Variants in TTC28 observed in about 807,000 individuals in gnomAD.
TTC28 encodes the protein tetratricopeptide repeat domain 28.
Under a neutral mutation model 198.0 loss-of-function variants are expected in TTC28, and 61 were observed. The observed-to-expected ratio is 0.31, with a 90% CI of 0.25 to 0.38. The LOEUF (loss-of-function observed/expected upper bound fraction) is 0.38, where lower values mean the gene tolerates loss of function less well. Ranked by LOEUF, TTC28 falls within the 10% of genes least tolerant of loss-of-function variation. The pLI is 1.00. For synonymous variants in TTC28, 1,171 were observed against 1,297.8 expected, an observed-to-expected ratio of 0.90 and a Z score of 2.10; for missense variants, 2,678 against 3,164.0, an observed-to-expected ratio of 0.85 and a Z score of 3.69.
intron 2 of TTC28, among the ~76,000 whole-genome samples, chr22:28,475,242 C>T (rs2048148247): frequency 6.6e-6 from 1 of 150,958 alleles, no homozygotes; most frequent in South Asian, 2.1e-4. Context: ...TATTCCAGTT[C>T]AGGGCTGCGG....
chr22:28,386,865 T>A (rs970610844), intron 2 of TTC28, among the ~76,000 whole-genome samples: 1 of 152,190 alleles, frequency 6.6e-6, no homozygotes, highest in African/African-American at 2.4e-5. Flanking sequence ...TATTATACTT[T>A]AAGTTTTAGG....
At chr22:28,562,554 T>C (rs2049902207) in intron 2 of TTC28, among the ~76,000 whole-genome samples, 2 of 151,964 alleles carry the variant, frequency 1.3e-5, no homozygotes, top group Admixed American at 1.3e-4. Flanking sequence ...TAAACAAGAA[T>C]GAGCATGTAC....
At chr22:28,674,205 T>C (rs1174780379) in intron 1 of TTC28, among the ~76,000 whole-genome samples, 2 of 151,588 alleles carry the variant, frequency 1.3e-5, no homozygotes, top group Admixed American at 6.6e-5. Context: ...TCTTGGGTCG[T>C]AGAAAGGTGA....
chr22:28,387,782 C>A (rs2146049115), intron 2 of TTC28, among the ~76,000 whole-genome samples: 1 of 152,164 alleles, frequency 6.6e-6, no homozygotes, highest in South Asian at 2.1e-4. Flanking sequence ...AATTTTCTCC[C>A]ATTTTGTAGG....
chr22:28,338,915 A>G (rs1280025519), intron 2 of TTC28, among the ~76,000 whole-genome samples: 3 of 152,112 alleles, frequency 2.0e-5, no homozygotes, highest in Admixed American at 6.5e-5. Context: ...CGTTCCTGGT[A>G]AGGAGCTGTG....
chr22:28,515,873 C>T (rs1002694716), intron 2 of TTC28, among the ~76,000 whole-genome samples: 1 of 152,014 alleles, frequency 6.6e-6, no homozygotes, highest in Non-Finnish European at 1.5e-5. Context: ...CAGCCGGGTG[C>T]GGTAGCTCAT....
chr22:28,551,076 C>T (rs779283108), intron 2 of TTC28, among the ~76,000 whole-genome samples: 16 of 151,924 alleles, frequency 1.1e-4, no homozygotes, highest in Non-Finnish European at 1.8e-4. Flanking sequence ...TACTACTAGA[C>T]CTAAGAAATG....
intron 1 of TTC28, among the ~76,000 whole-genome samples, chr22:28,638,672 T>C (rs2146229356): frequency 6.6e-6 from 1 of 152,322 alleles, no homozygotes; most frequent in East Asian, 1.9e-4. Context: ...GAACTCCATG[T>C]GGCTTTTAAA....
At chr22:28,337,559 T>C (rs1424677675) in intron 2 of TTC28, among the ~76,000 whole-genome samples, 5 of 152,268 alleles carry the variant, frequency 3.3e-5, no homozygotes, top group Non-Finnish European at 7.3e-5. Context: ...GATAGTTAGC[T>C]CTTCTTGTTG....
At chr22:28,233,847 C>T (rs1302903404) in intron 5 of TTC28, among the ~76,000 whole-genome samples, 1 of 151,582 alleles carries the variant, frequency 6.6e-6, no homozygotes, top group Non-Finnish European at 1.5e-5. Context: ...TGGGTTCAAG[C>T]GATTCTCCAG....
At chr22:28,312,749 A>G (rs933242757) in intron 2 of TTC28, among the ~76,000 whole-genome samples, 22 of 152,230 alleles carry the variant, frequency 1.4e-4, no homozygotes, top group African/African-American at 5.3e-4. Context: ...AATGCCCACA[A>G]GAGAAAGCAG....
chr22:28,618,631 G>A (rs1410815146), intron 2 of TTC28, among the ~76,000 whole-genome samples: 1 of 147,968 alleles, frequency 6.8e-6, no homozygotes, highest in Non-Finnish European at 1.5e-5. Flanking sequence ...GCAGTGAGCT[G>A]AGATCGTGCC....
chr22:28,421,506 T>C (rs928857004), intron 2 of TTC28, among the ~76,000 whole-genome samples: 2 of 152,182 alleles, frequency 1.3e-5, no homozygotes, highest in Non-Finnish European at 2.9e-5. Context: ...ACTGGAATGT[T>C]GTCTTTCCAT....
chr22:28,058,602 A>G (rs1940388503), intron 12 of TTC28, among the ~76,000 whole-genome samples: 1 of 152,088 alleles, frequency 6.6e-6, no homozygotes, highest in Admixed American at 6.6e-5. Flanking sequence ...TATCATTGTT[A>G]GGTTTTGGTA....
intron 6 of TTC28, among the ~76,000 whole-genome samples, chr22:28,149,315 T>C (rs1206969097): frequency 6.6e-6 from 1 of 152,218 alleles, no homozygotes; most frequent in East Asian, 1.9e-4. Context: ...CCATGTTCAC[T>C]GAAGCATTAT....
At position 27,993,408 on chromosome 22, in the gene TTC28, G is replaced by A; in HGVS notation, c.5355C>T (p.Leu1785=). The A allele has an allele frequency of 6.4e-7, 1 of 1,551,432 alleles. No homozygotes were observed. Among genetic ancestry groups the A allele is most frequent in the Non-Finnish European group, 8.7e-7 (1 of 1,147,006 alleles). Residue 1785 remains leucine, a synonymous_variant, in exon 18 of 23, where the codon CTC becomes CTT. Coordinates refer to ENST00000397906, the MANE Select transcript of TTC28 (RefSeq NM_001145418.2). ...GGTCCAGCCGGAAGCCCACAGCGGTGAGGAGGGCCTGCCAGCCAGGGATGC... is the reference window on the plus strand; with the variant it reads ...GGTCCAGCCGGAAGCCCACAGCGGTAAGGAGGGCCTGCCAGCCAGGGATGC... The part of the protein sequence containing the change: ...VGGIPGWQAL[L]TAVGFRLDPP...
chr22:28,324,222 T>C (rs1470645541), intron 2 of TTC28, among the ~76,000 whole-genome samples: 4 of 151,998 alleles, frequency 2.6e-5, no homozygotes. Flanking sequence ...GAGGCCGAGG[T>C]AGGTGGATCA....
chr22:28,163,095 G>C lies in TTC28; in HGVS notation c.1438C>G (p.Leu480Val), dbSNP rs1921425323. Residue 480 changes from leucine to valine, a missense_variant, in exon 6 of 23, where the codon CTA (leucine) becomes GTA (valine). By Grantham distance (32) the Leu-to-Val change is conservative. Coordinates refer to ENST00000397906, the MANE Select transcript of TTC28 (RefSeq NM_001145418.2). ...TTACAGGCAACCCTGTTCTTACCTA[G>C]ATTGGAGGATGCTCGCCCCTCTGCA... Reference protein sequence around the residue: ...RAAEGRASSNLGIIHQMKGDY... With the variant: ...RAAEGRASSNVGIIHQMKGDY... 3 of 1,546,910 alleles carry C rather than the reference G, an allele frequency of 1.9e-6. No homozygotes were observed. The highest frequency in any genetic ancestry group is 1.4e-5 in the African/African-American group (1 of 73,002).
At chr22:28,523,479 C>G (rs769110905) in intron 2 of TTC28, among the ~76,000 whole-genome samples, 3 of 152,114 alleles carry the variant, frequency 2.0e-5, no homozygotes, top group Non-Finnish European at 4.4e-5. Context: ...ACTACTGAGG[C>G]CTTAACTAGT....
Sources: gnomAD v4.1 joint callset for allele counts (sites outside exome capture counted in the v4.1 genomes callset) on GRCh38, gnomAD v4.1.1 for gene constraint, MANE v1.5 for transcripts, NCBI Gene and HGNC (gene_info 2026-07-23, HGNC 2026-07-21) for gene names.